Variants in RIMS2 observed in about 807,000 individuals in gnomAD.
RIMS2 encodes the protein regulating synaptic membrane exocytosis protein 2.
Under a neutral mutation model 174.4 loss-of-function variants are expected in RIMS2, and 59 were observed. The ratio of observed to expected loss-of-function variants is 0.34; its 90% CI spans 0.27 to 0.42. The LOEUF is 0.42. Ranked by LOEUF, RIMS2 falls within the 10% of genes least tolerant of loss-of-function variation. The probability of loss-of-function intolerance (pLI) is 1.00; values close to 1 mark genes in which losing one functional copy is unlikely to be tolerated. For missense variants in RIMS2, 1,620 were observed against 1,666.3 expected, an observed-to-expected ratio of 0.97 and a Z score of 0.48; for synonymous variants, 606 against 572.5, an observed-to-expected ratio of 1.06 and a Z score of -0.84.
chr8:103,822,987 C>T (rs1006655805), intron 3 of RIMS2, among the ~76,000 whole-genome samples: 5 of 151,920 alleles, frequency 3.3e-5, no homozygotes, highest in African/African-American at 9.7e-5. Context: ...ATTGAGTTAT[C>T]AGTTGCTTTG....
intron 1 of RIMS2, among the ~76,000 whole-genome samples, chr8:103,579,924 ATGC>A (rs1183602958): frequency 1.3e-5 from 2 of 152,164 alleles, no homozygotes; most frequent in Non-Finnish European, 2.9e-5. Context: ...GAAGACGGAG[ATGC>A]TGCACATTTT....
chr8:104,201,616 TA>T (rs1484856170), intron 19 of RIMS2, among the ~76,000 whole-genome samples: 2 of 152,190 alleles, frequency 1.3e-5, no homozygotes, highest in African/African-American at 4.8e-5. Flanking sequence ...TATTCTGTCT[TA>T]AAAAATTATC....
At chr8:103,647,716 G>A (rs541509767) in intron 1 of RIMS2, among the ~76,000 whole-genome samples, 4 of 152,088 alleles carry the variant, frequency 2.6e-5, no homozygotes, top group Admixed American at 2.6e-4. Context: ...GCATAGAGGT[G>A]TTTATAGTAT....
intron 4 of RIMS2, among the ~76,000 whole-genome samples, chr8:103,903,252 G>C (rs1042228516): frequency 1.3e-5 from 2 of 151,936 alleles, no homozygotes; most frequent in Non-Finnish European, 2.9e-5. Flanking sequence ...AATTGATAAG[G>C]GGTGAAGTCA....
chr8:104,125,536 T>C (rs1384994344), intron 19 of RIMS2, among the ~76,000 whole-genome samples: 1 of 152,186 alleles, frequency 6.6e-6, no homozygotes, highest in East Asian at 1.9e-4. Context: ...TTAAAGAGCT[T>C]GAGTAAAGTG....
At chr8:104,230,131 C>G (rs776982206) in intron 19 of RIMS2, among the ~76,000 whole-genome samples, 1 of 151,774 alleles carries the variant, frequency 6.6e-6, no homozygotes, top group African/African-American at 2.4e-5. Context: ...AATACAAAAT[C>G]AGCCAGGCTT....
At chr8:103,674,034 C>T (rs1435697842) in intron 1 of RIMS2, among the ~76,000 whole-genome samples, 2 of 152,210 alleles carry the variant, frequency 1.3e-5, no homozygotes, top group Non-Finnish European at 2.9e-5. Context: ...TTCAGACTTC[C>T]ACAGGTCCCT....
chr8:104,199,339 G>A (rs1191166993), intron 19 of RIMS2, among the ~76,000 whole-genome samples: 2 of 152,158 alleles, frequency 1.3e-5, no homozygotes, highest in Non-Finnish European at 2.9e-5. Flanking sequence ...TGGGATTACA[G>A]GCATGAGCCA....
chr8:103,810,504 T>C (rs758230976), intron 3 of RIMS2, among the ~76,000 whole-genome samples: 2 of 152,186 alleles, frequency 1.3e-5, no homozygotes, highest in Non-Finnish European at 1.5e-5. Context: ...CATATGCAAG[T>C]TCTAGTGAAA....
chr8:103,792,700 A>T (rs1429758728), intron 3 of RIMS2, among the ~76,000 whole-genome samples: 10 of 151,790 alleles, frequency 6.6e-5, no homozygotes, highest in Non-Finnish European at 1.5e-4. Context: ...CTAATAAAGA[A>T]GAAAAGAGAG....
intron 1 of RIMS2, among the ~76,000 whole-genome samples, chr8:103,582,077 A>C (rs1371248764): frequency 6.6e-6 from 1 of 152,064 alleles, no homozygotes; most frequent in African/African-American, 2.4e-5. Context: ...TTTGTCTTGC[A>C]TTTAGAATAC....
intron 3 of RIMS2, among the ~76,000 whole-genome samples, chr8:103,855,999 G>A (rs1280276974): frequency 6.6e-6 from 1 of 152,106 alleles, no homozygotes; most frequent in Non-Finnish European, 1.5e-5. Flanking sequence ...AAGTCTTTTC[G>A]TAGGCCAAGA....
At chr8:103,730,902 T>C (rs1380656604) in intron 2 of RIMS2, among the ~76,000 whole-genome samples, 1 of 152,176 alleles carries the variant, frequency 6.6e-6, no homozygotes, top group Non-Finnish European at 1.5e-5. Flanking sequence ...CTGGATAACT[T>C]ATAAAGGAAA....
intron 1 of RIMS2, among the ~76,000 whole-genome samples, chr8:103,601,520 ATC>A (rs2094739016): frequency 6.6e-6 from 1 of 152,026 alleles, no homozygotes; most frequent in Admixed American, 6.6e-5. Context: ...GGCATGGAAT[ATC>A]TTTTTTCATC....
intron 1 of RIMS2, among the ~76,000 whole-genome samples, chr8:103,561,177 G>A (rs1215291467): frequency 6.6e-6 from 1 of 152,018 alleles, no homozygotes; most frequent in African/African-American, 2.4e-5. Flanking sequence ...TATCTTAAGA[G>A]ATTATCTTAG....
intron 1 of RIMS2, among the ~76,000 whole-genome samples, chr8:103,660,973 T>A (rs1004718200): frequency 6.6e-6 from 1 of 152,206 alleles, no homozygotes; most frequent in African/African-American, 2.4e-5. Context: ...AGCAGAACAT[T>A]AACAGCCATG....
intron 17 of RIMS2, 45 bp downstream of exon 19, chr8:103,989,466 A>G (rs1231812458): frequency 9.9e-7 from 1 of 1,010,906 alleles, no homozygotes; most frequent in Non-Finnish European, 1.5e-6. Context: ...TAATATAATC[A>G]CTGCTTTCAG....
chr8:103,684,584 ATTTTATTTTATTTTATTTTT>A lies in RIMS2; in HGVS notation c.177-12501_177-12482del, dbSNP rs1288006331. 5.1e-5 allele frequency among the ~76,000 whole-genome samples: 3 copies of A among 58,488 alleles called. No homozygotes were observed. The East Asian group carries it at 4.6e-3, about 91-fold the overall frequency. The allele number at this position is 58,488 out of a possible 152,430, so 38.4% of individuals were successfully genotyped here. A position where few individuals can be genotyped will look rare whatever the true frequency, so the allele number is the denominator to read the frequency against. On this transcript the variant is annotated intron_variant, in intron 1 of 23. Coordinates refer to ENST00000504942, the Ensembl canonical transcript of RIMS2. ...ATTTTATTTTATTTTATTTTATTTTATTTTATTTTATTTTATTTTTGAGACAGACTCTCGCTCTATCCCCC... is the reference window on the plus strand; with the variant it reads ...ATTTTATTTTATTTTATTTTATTTTAGAGACAGACTCTCGCTCTATCCCCC...
rs114822067 is a variant in RIMS2, at chr8:104,089,455, G to A, written c.3334+74840G>A. Among the ~76,000 whole-genome samples, 636 of 151,666 alleles carry A rather than the reference G, an allele frequency of 4.2e-3. 6 individuals are homozygous for A. The highest frequency in any genetic ancestry group is 0.015 in the African/African-American group (613 of 41,434). ...TTTAGTACTTAGATTTCTGGGGGTG[G>A]GGGTTGAGTTGTATATGTGAATATG... On this transcript the variant is annotated intron_variant, in intron 19 of 23. Coordinates refer to ENST00000504942, the Ensembl canonical transcript of RIMS2.
Sources: gnomAD v4.1 joint callset for allele counts (sites outside exome capture counted in the v4.1 genomes callset) on GRCh38, gnomAD v4.1.1 for gene constraint, MANE v1.5 for transcripts, NCBI Gene and HGNC (gene_info 2026-07-23, HGNC 2026-07-21) for gene names.